The following BNC2 variants were observed in gnomAD, a reference collection of about 807,000 sequenced individuals.
BNC2 encodes basonuclin zinc finger protein 2, also known as zinc finger protein basonuclin-2.
A neutral mutation model predicts 76.3 loss-of-function variants in BNC2; 20 were observed. That is an observed-to-expected ratio of 0.26 (90% CI 0.18 to 0.38). The LOEUF (loss-of-function observed/expected upper bound fraction) is 0.38, where lower values mean the gene tolerates loss of function less well. BNC2 is among the 10% of genes least tolerant of loss of function. The probability of loss-of-function intolerance (pLI) is 1.00; values close to 1 mark genes in which losing one functional copy is unlikely to be tolerated. For missense variants in BNC2, 1,382 were observed against 1,399.8 expected (o/e 0.99, Z 0.20); for synonymous variants, 582 against 514.8 (o/e 1.13, Z -1.77).
intron 1 of BNC2, among the ~76,000 whole-genome samples, chr9:16,829,983 G>A (rs57760617): frequency 0.03 from 4,505 of 152,022 alleles, 214 homozygotes; most frequent in African/African-American, 0.1. Context: ...TTGTAGAATG[G>A]GCCTTACTTA....
At position 16,582,965 on chromosome 9, in the gene BNC2, A is replaced by C. The variant is rs748388715; in HGVS notation, c.433+18T>G. ...TGAACATAATAAGAACGGGAAGAAA[A>C]GCCCAGATTTTCCTCACCATGTGCC... On this transcript the variant is annotated intron_variant, in intron 4 of 6. Transcript: ENST00000380672. 3 of 1,585,352 alleles carry C rather than the reference A, an allele frequency of 1.9e-6. No homozygotes were observed. The highest frequency in any genetic ancestry group is 2.6e-6 in the Non-Finnish European group (3 of 1,154,220).
chr9:16,508,105 G>T (rs1261020009), intron 5 of BNC2, among the ~76,000 whole-genome samples: 1 of 152,142 alleles, frequency 6.6e-6, no homozygotes, highest in South Asian at 2.1e-4. Flanking sequence ...GATAAAACAG[G>T]TAACAACAGC....
At chr9:16,444,427 A>C (rs551437429) in intron 5 of BNC2, among the ~76,000 whole-genome samples, 3 of 152,218 alleles carry the variant, frequency 2.0e-5, no homozygotes, top group African/African-American at 7.2e-5. Flanking sequence ...GACACTGATA[A>C]TCCGCCTTTG....
At chr9:16,457,580 T>C (rs1821481675) in intron 5 of BNC2, among the ~76,000 whole-genome samples, 2 of 152,180 alleles carry the variant, frequency 1.3e-5, no homozygotes, top group South Asian at 2.1e-4. Context: ...TGAGGTGCTG[T>C]CTACAAGGGA....
intron 3 of BNC2, among the ~76,000 whole-genome samples, chr9:16,710,497 A>G (rs1050374623): frequency 5.3e-5 from 8 of 152,228 alleles, no homozygotes; most frequent in Non-Finnish European, 1.0e-4. Flanking sequence ...TCATGACCAC[A>G]GAGTACACTA....
At chr9:16,552,471 C>A in intron 5 of BNC2, 59 bp downstream of exon 5, 1 of 1,473,766 alleles carries the variant, frequency 6.8e-7, no homozygotes. Flanking sequence ...CAAGGACTCT[C>A]ACCCTTCCCC....
In BNC2 at chr9:16,748,830, G is replaced by A. The variant is rs1165338472; in HGVS notation, c.4-10345C>T. Among the ~76,000 whole-genome samples, 12 of 83,856 alleles carry A rather than the reference G, an allele frequency of 1.4e-4. No individual in the cohort carries two copies. In the Admixed American group the frequency reaches 1.6e-3, roughly 11 times the overall value. 55.0% of individuals were successfully genotyped at this position (83,856 alleles called of 152,430 possible). On this transcript the variant is annotated intron_variant, in intron 1 of 6. Coordinates refer to ENST00000380672, the MANE Select transcript of BNC2 (RefSeq NM_017637.6). Reference sequence around the variant, plus strand: ...TGCACTCCAGCCTGGGCAACAGAGCGAAACCGTCTCAAAAAAAAAAAAAAA... The same window carrying A: ...TGCACTCCAGCCTGGGCAACAGAGCAAAACCGTCTCAAAAAAAAAAAAAAA...
intron 5 of BNC2, among the ~76,000 whole-genome samples, chr9:16,450,186 A>C (rs1396545652): frequency 3.3e-5 from 5 of 152,242 alleles, no homozygotes; most frequent in African/African-American, 1.2e-4. Context: ...AACAATGTTT[A>C]CATCAGTGAA....
chr9:16,679,103 C>T (rs1213131250), intron 3 of BNC2, among the ~76,000 whole-genome samples: 3 of 152,092 alleles, frequency 2.0e-5, no homozygotes, highest in Admixed American at 6.5e-5. Flanking sequence ...CCTAATATTG[C>T]AATCACAGCC....
intron 1 of BNC2, among the ~76,000 whole-genome samples, chr9:16,801,308 G>A (rs905992295): frequency 6.6e-6 from 1 of 152,056 alleles, no homozygotes; most frequent in African/African-American, 2.4e-5. Context: ...GTACAGTGGC[G>A]TGATATTGCT....
chr9:16,801,932 A>C (rs2135757713), intron 1 of BNC2, among the ~76,000 whole-genome samples: 1 of 152,184 alleles, frequency 6.6e-6, no homozygotes, highest in Non-Finnish European at 1.5e-5. Context: ...AGCCCATAAA[A>C]GTTTTTCCCG....
At chr9:16,578,658 A>C (rs527839745) in intron 4 of BNC2, among the ~76,000 whole-genome samples, 1 of 152,268 alleles carries the variant, frequency 6.6e-6, no homozygotes, top group East Asian at 1.9e-4. Flanking sequence ...AGAAAAAAAA[A>C]AATTACATCA....
intron 1 of BNC2, among the ~76,000 whole-genome samples, chr9:16,763,482 A>ATCACT (rs1825609392): frequency 6.6e-6 from 1 of 152,110 alleles, no homozygotes; most frequent in African/African-American, 2.4e-5. Context: ...AGGCAGAAGG[A>ATCACT]TCACTTGAGC....
intron 1 of BNC2, among the ~76,000 whole-genome samples, chr9:16,825,572 G>GA (rs1383015476): frequency 1.3e-5 from 2 of 151,954 alleles, no homozygotes; most frequent in Non-Finnish European, 1.5e-5. Flanking sequence ...CAAAATCCCT[G>GA]AAAAAAGTAA....
At chr9:16,866,235 TTTAAC>T (rs757742291) in intron 1 of BNC2, among the ~76,000 whole-genome samples, 3 of 152,162 alleles carry the variant, frequency 2.0e-5, no homozygotes, top group Non-Finnish European at 4.4e-5. Flanking sequence ...ATCCTATTTC[TTTAAC>T]TTATTTTTTG....
chr9:16,545,937 A>T (rs1403736400), intron 5 of BNC2, among the ~76,000 whole-genome samples: 1 of 152,240 alleles, frequency 6.6e-6, no homozygotes, highest in East Asian at 1.9e-4. Flanking sequence ...CCACTAGACT[A>T]GGCTTGCAGA....
At chr9:16,528,125 A>G (rs1407463883) in intron 5 of BNC2, among the ~76,000 whole-genome samples, 1 of 152,226 alleles carries the variant, frequency 6.6e-6, no homozygotes, top group East Asian at 1.9e-4. Flanking sequence ...AAGAAAAATC[A>G]TGACAAAGAA....
At chr9:16,688,332 T>C (rs577569826) in intron 3 of BNC2, among the ~76,000 whole-genome samples, 2 of 152,304 alleles carry the variant, frequency 1.3e-5, no homozygotes, top group Admixed American at 1.3e-4. Context: ...CCTTTTGATT[T>C]AGAAGCCTCA....
intron 4 of BNC2, among the ~76,000 whole-genome samples, chr9:16,567,140 A>T (rs1238514996): frequency 6.6e-6 from 1 of 152,186 alleles, no homozygotes; most frequent in Non-Finnish European, 1.5e-5. Context: ...TTTCCAAAGG[A>T]ACATGGTGGC....
Sources: allele counts gnomAD v4.1 joint callset (sites outside exome capture counted in the v4.1 genomes callset), GRCh38; gene constraint gnomAD v4.1.1; transcripts MANE v1.5; gene names NCBI Gene and HGNC (gene_info 2026-07-23, HGNC 2026-07-21).